The following HAO1 variants were observed in gnomAD, a reference collection of about 807,000 sequenced individuals.
HAO1 encodes hydroxyacid oxidase 1.
In HAO1, 34 loss-of-function variants were observed where a neutral mutation model predicts 39.7. The observed-to-expected ratio is 0.86, with a 90% CI of 0.65 to 1.14. HAO1 has a LOEUF of 1.14. Ranked by LOEUF, HAO1 falls within the 50% of genes most tolerant of loss-of-function variation. The probability of loss-of-function intolerance (pLI) is 0.00; values close to 1 mark genes in which losing one functional copy is unlikely to be tolerated. For synonymous variants in HAO1, 172 were observed against 173.2 expected (o/e 0.99, Z 0.05); for missense variants, 479 against 464.5 (o/e 1.03, Z -0.29).
At chr20:7,895,389 T>C (rs1035696642) in intron 4 of HAO1, among the ~76,000 whole-genome samples, 165 bp from the exon 5 acceptor site, 2 of 152,060 alleles carry the variant, frequency 1.3e-5, no homozygotes, top group Non-Finnish European at 2.9e-5. Context: ...AGAATATTAG[T>C]GGTAGTTTTC....
At chr20:7,931,482 A>G (rs2050385422) in intron 2 of HAO1, among the ~76,000 whole-genome samples, 1 of 152,162 alleles carries the variant, frequency 6.6e-6, no homozygotes, top group Admixed American at 6.6e-5. Context: ...TCCCTAGGCA[A>G]GGTTATTCAC....
intron 3 of HAO1, 52 bp downstream of exon 3, chr20:7,914,112 C>T (rs1024813763): frequency 1.1e-5 from 17 of 1,600,208 alleles, no homozygotes; most frequent in Non-Finnish European, 1.3e-5. Flanking sequence ...CCCTAACATT[C>T]CCAGTCAAGA....
chr20:7,901,126 G>A (rs1253851688), intron 4 of HAO1, among the ~76,000 whole-genome samples: 1 of 152,132 alleles, frequency 6.6e-6, no homozygotes, highest in African/African-American at 2.4e-5. Flanking sequence ...AGTTAGCAGA[G>A]GTTGATTCCT....
intron 3 of HAO1, among the ~76,000 whole-genome samples, chr20:7,907,529 C>G (rs1313158892): frequency 6.6e-6 from 1 of 152,124 alleles, no homozygotes; most frequent in African/African-American, 2.4e-5. Flanking sequence ...AGCAGTATTC[C>G]CTTCACCTTC....
chr20:7,908,939 A>G (rs1054523910), intron 3 of HAO1, among the ~76,000 whole-genome samples: 1 of 152,144 alleles, frequency 6.6e-6, no homozygotes, highest in Non-Finnish European at 1.5e-5. Flanking sequence ...TTTAAATAAT[A>G]TTGTTAATAA....
chr20:7,918,091 C>T (rs1327773701), intron 2 of HAO1, among the ~76,000 whole-genome samples: 3 of 152,148 alleles, frequency 2.0e-5, no homozygotes, highest in Non-Finnish European at 2.9e-5. Flanking sequence ...CAAGAGAATG[C>T]TCCTGCATGT....
chr20:7,895,811 G>A (rs180756926), intron 4 of HAO1, among the ~76,000 whole-genome samples: 1 of 152,112 alleles, frequency 6.6e-6, no homozygotes, highest in African/African-American at 2.4e-5. Flanking sequence ...ACTTTGGGAG[G>A]CCAAGGCGGG....
chr20:7,884,499 T>G (rs2050142313), intron 7 of HAO1, among the ~76,000 whole-genome samples: 1 of 152,132 alleles, frequency 6.6e-6, no homozygotes, highest in Non-Finnish European at 1.5e-5. Context: ...GTAATCAGGA[T>G]AGGCACCTTT....
At chr20:7,901,531 G>GA (rs925499461) in intron 4 of HAO1, among the ~76,000 whole-genome samples, 7 of 151,136 alleles carry the variant, frequency 4.6e-5, no homozygotes, top group East Asian at 3.9e-4. Flanking sequence ...CTGCTGCTCA[G>GA]AAAAAAAAAG....
chr20:7,892,707 T>TGA (rs1274710882), intron 5 of HAO1, among the ~76,000 whole-genome samples: 321 of 152,276 alleles, frequency 2.1e-3, no homozygotes, highest in African/African-American at 7.2e-3. Flanking sequence ...AATCCAGTTC[T>TGA]GAGAGAGGTG....
At chr20:7,910,040 A>G (rs924772484) in intron 3 of HAO1, among the ~76,000 whole-genome samples, 5 of 152,224 alleles carry the variant, frequency 3.3e-5, no homozygotes, top group African/African-American at 9.6e-5. Flanking sequence ...GTTATGTTAC[A>G]TTGGGAAAAT....
chr20:7,885,582 T>C lies in HAO1; in HGVS notation c.981A>G (p.Lys327=), dbSNP rs757280604. Residue 327 remains lysine, a synonymous_variant, in exon 7 of 8, where the codon AAA becomes AAG. Transcript: ENST00000378789. ...IVWGLAFQGE[K]GVQDVLEILK... is the part of the protein sequence containing the mutation. Reference sequence around the variant, plus strand: ...GTATCTCGAGGACATCTTGAACACCTTTCTCCCCCTAACCAAGTGAAAAGA... The same window carrying C: ...GTATCTCGAGGACATCTTGAACACCCTTCTCCCCCTAACCAAGTGAAAAGA... The C allele has an allele frequency of 7.5e-6, 12 of 1,610,100 alleles. No homozygotes were observed. Among genetic ancestry groups the C allele is most frequent in the Non-Finnish European group, 9.3e-6 (11 of 1,176,520 alleles).
At chr20:7,899,165 A>T (rs1488118373) in intron 4 of HAO1, among the ~76,000 whole-genome samples, 1 of 152,022 alleles carries the variant, frequency 6.6e-6, no homozygotes, top group East Asian at 1.9e-4. Context: ...ACCCGGACTT[A>T]AATCCCACAT....
rs11467510 is a variant in HAO1 at position 7,919,428 on chromosome 20, G to GAC, written c.290-5011_290-5010dup. ...CCATTGCTATAAGGAAATTGCATAT[G>GAC]ACACACACACACACACATACAATCA... On this transcript the variant is annotated intron_variant, in intron 2 of 7. Transcript: ENST00000378789. Among the ~76,000 whole-genome samples, 886 of 151,340 alleles carry GAC rather than the reference G, an allele frequency of 5.9e-3. 5 individuals carry two copies. Among genetic ancestry groups the GAC allele is most frequent in the Middle Eastern group, 0.014 (4 of 290 alleles).
intron 2 of HAO1, among the ~76,000 whole-genome samples, chr20:7,927,349 C>G (rs147615073): frequency 1.3e-5 from 2 of 151,778 alleles, no homozygotes; most frequent in African/African-American, 4.8e-5. Context: ...AATTTTGTAT[C>G]CTTCTTTAAA....
chr20:7,900,377 T>G (rs898949293), intron 4 of HAO1, among the ~76,000 whole-genome samples: 1 of 152,152 alleles, frequency 6.6e-6, no homozygotes, highest in African/African-American at 2.4e-5. Context: ...AATTAAGGTA[T>G]GTACAATGCT....
chr20:7,927,455 C>G (rs1170119995), intron 2 of HAO1, among the ~76,000 whole-genome samples: 3 of 152,054 alleles, frequency 2.0e-5, no homozygotes, highest in African/African-American at 7.2e-5. Flanking sequence ...TATAAAACAG[C>G]TTAAATATTA....
At chr20:7,907,127 G>C (rs754538157) in intron 3 of HAO1, among the ~76,000 whole-genome samples, 7 of 152,170 alleles carry the variant, frequency 4.6e-5, no homozygotes, top group Non-Finnish European at 7.4e-5. Flanking sequence ...TTTCCCAGCA[G>C]ATGAGTTGTC....
intron 4 of HAO1, among the ~76,000 whole-genome samples, chr20:7,900,497 T>A (rs2050216787): frequency 6.6e-6 from 1 of 152,176 alleles, no homozygotes; most frequent in African/African-American, 2.4e-5. Context: ...TCTCACTCTA[T>A]TTCAAACTTT....
Sources: allele counts gnomAD v4.1 joint callset (sites outside exome capture counted in the v4.1 genomes callset), GRCh38; gene constraint gnomAD v4.1.1; transcripts MANE v1.5; gene names NCBI Gene and HGNC (gene_info 2026-07-23, HGNC 2026-07-21).